BLACAT1: variants seen among roughly 807,000 people sequenced by gnomAD.
BLACAT1 encodes BLACAT1 overlapping LEMD1 locus.
downstream of BLACAT1, chr1:205,437,368 A>C (rs1666227449): frequency 6.6e-6 from 1 of 152,476 alleles, no homozygotes; most frequent in South Asian, 2.1e-4. Flanking sequence ...GAGAACGTAC[A>C]TAAGAGTGGC....
At chr1:205,454,547 T>A (rs565628320) in intron 1 of BLACAT1, among the ~76,000 whole-genome samples, 49 of 151,082 alleles carry the variant, frequency 3.2e-4, no homozygotes, top group Admixed American at 1.5e-3. Context: ...TGTGTGTGTG[T>A]GTGAGAGAGA....
intron 1 of BLACAT1, among the ~76,000 whole-genome samples, chr1:205,451,354 T>C (rs1379751116): frequency 6.6e-6 from 1 of 152,116 alleles, no homozygotes; most frequent in Non-Finnish European, 1.5e-5. Flanking sequence ...TCCCTAGCCC[T>C]CAGGTACTCC....
intron 1 of BLACAT1, among the ~76,000 whole-genome samples, chr1:205,449,651 A>G (rs993337857): frequency 6.6e-6 from 1 of 152,090 alleles, no homozygotes; most frequent in African/African-American, 2.4e-5. Flanking sequence ...CCCAACCTTC[A>G]GGGCCAAACA....
Position 205,446,623 on chromosome 1 carries a change from G to A in BLACAT1, c.-36-5561C>T, listed in dbSNP as rs78383339. Among the ~76,000 whole-genome samples the A allele has an allele frequency of 7.3e-3, 1,109 of 152,326 alleles. 8 individuals are homozygous for A. The highest frequency in any genetic ancestry group is 0.026 in the African/African-American group (1,063 of 41,564). The stretch of plus-strand genomic sequence containing the variant: ...GGCATGGCTCTAACCTGGCTTTCCA[G>A]TTAGGAGATCAGGAGTTAAGGGAAG... On this transcript the variant is annotated intron_variant, in intron 1 of 1. Coordinates refer to ENST00000629624, the Ensembl canonical transcript of BLACAT1.
rs191153047 is a variant in BLACAT1, at chr1:205,452,480, C to T, written c.-37+3437G>A. 2.1e-3 allele frequency among the ~76,000 whole-genome samples: 322 copies of T among 152,326 alleles called. 7 individuals are homozygous for T. Among genetic ancestry groups the T allele is most frequent in the South Asian group, 2.3e-3 (11 of 4,828 alleles). On this transcript the variant is annotated intron_variant, in intron 1 of 1. Transcript: ENST00000629624. ...CTGTTCCAACAGGAGCCAGTGGGCTCCCTGTCACCAGAGATCATCAAACAT... is the reference window on the plus strand; with the variant it reads ...CTGTTCCAACAGGAGCCAGTGGGCTTCCTGTCACCAGAGATCATCAAACAT...
intron 1 of BLACAT1, among the ~76,000 whole-genome samples, chr1:205,451,273 A>G (rs971333415): frequency 3.9e-5 from 6 of 152,080 alleles, no homozygotes; most frequent in Admixed American, 3.3e-4. Flanking sequence ...ATGGTGGCCA[A>G]TTCTAGAGCC....
At chr1:205,437,922 C>T (rs1666234701), downstream of BLACAT1, 1 of 151,606 alleles carries the variant, frequency 6.6e-6, no homozygotes, top group Non-Finnish European at 1.5e-5. Context: ...AATTATTGCT[C>T]TTTTTTTTTC....
At chr1:205,438,163 G>A (rs891273665), downstream of BLACAT1, among the ~76,000 whole-genome samples, 6 of 152,154 alleles carry the variant, frequency 3.9e-5, no homozygotes, top group African/African-American at 1.4e-4. Context: ...GCCCAAGAGG[G>A]AAAATGGCCA....
intron 1 of BLACAT1, among the ~76,000 whole-genome samples, chr1:205,452,576 T>C (rs1258934480): frequency 3.3e-5 from 5 of 152,176 alleles, no homozygotes; most frequent in Admixed American, 2.6e-4. Context: ...TAAGCTAATG[T>C]AGAAGGGATC....
chr1:205,447,550 G>A (rs539384945), intron 1 of BLACAT1, among the ~76,000 whole-genome samples: 1 of 152,214 alleles, frequency 6.6e-6, no homozygotes, highest in Admixed American at 6.5e-5. Context: ...CAGGATGGGA[G>A]GGCTAAAATC....
At chr1:205,452,393 G>A (rs1468423344) in intron 1 of BLACAT1, among the ~76,000 whole-genome samples, 4 of 152,198 alleles carry the variant, frequency 2.6e-5, no homozygotes. Flanking sequence ...AGCAGAGAAA[G>A]TCACAGAGGG....
chr1:205,454,146 A>G (rs1446441429), intron 1 of BLACAT1, among the ~76,000 whole-genome samples: 1 of 152,230 alleles, frequency 6.6e-6, no homozygotes, highest in East Asian at 1.9e-4. Context: ...GAGCACAGAC[A>G]GTGGGATGGG....
At chr1:205,435,831 G>A (rs934892741), downstream of BLACAT1, 8 of 152,172 alleles carry the variant, frequency 5.3e-5, no homozygotes, top group African/African-American at 1.9e-4. Context: ...GAAAACCAAA[G>A]GCTCAAAAGG....
In BLACAT1 at chr1:205,441,569, G is replaced by A. The variant is rs984650907; in HGVS notation, c.-36-507C>T. Among the ~76,000 whole-genome samples, 2 of 152,120 alleles carry A rather than the reference G, an allele frequency of 1.3e-5. No homozygotes were observed. Among genetic ancestry groups the A allele is most frequent in the Admixed American group, 6.5e-5 (1 of 15,282 alleles). ...TAGCTTTACTTTGACACCTGGGACC[G>A]AGTCAGATTCCTCCCTTCCTTAACA... On this transcript the variant is annotated intron_variant, in intron 1 of 1. Coordinates refer to ENST00000629624, the Ensembl canonical transcript of BLACAT1. The surrounding 1 kb of genome is among the most constrained non-coding windows in gnomAD (Gnocchi z 4.3).
At chr1:205,435,811 G>C (rs1470617189), downstream of BLACAT1, 2 of 152,220 alleles carry the variant, frequency 1.3e-5, no homozygotes, top group African/African-American at 4.8e-5. Context: ...CTGGGTGCCT[G>C]AGCCAGGTAG....
downstream of BLACAT1, chr1:205,437,857 C>T (rs1666233743): frequency 6.6e-6 from 1 of 152,220 alleles, no homozygotes; most frequent in African/African-American, 2.4e-5. Context: ...ACCTGGCTCC[C>T]AGCTCAGTGC....
chr1:205,447,958 T>C (rs1245751405), intron 1 of BLACAT1, among the ~76,000 whole-genome samples: 4 of 152,184 alleles, frequency 2.6e-5, no homozygotes, highest in Non-Finnish European at 4.4e-5. Context: ...CAAGTCTTCA[T>C]GGCCTGAGGC....
downstream of BLACAT1, chr1:205,436,712 G>T (rs112476983): frequency 0.01 from 1,584 of 152,294 alleles, 24 homozygotes; most frequent in African/African-American, 0.036. Context: ...CTGTCAGCTT[G>T]ATCACCTGCT....
intron 1 of BLACAT1, among the ~76,000 whole-genome samples, chr1:205,452,463 A>G (rs952253709): frequency 6.6e-6 from 1 of 152,220 alleles, no homozygotes; most frequent in African/African-American, 2.4e-5. Flanking sequence ...GACTGTTCCA[A>G]CAGGAGCCAG....
Sources: gnomAD v4.1 joint callset for allele counts (sites outside exome capture counted in the v4.1 genomes callset) on GRCh38, gnomAD v4.1.1 for gene constraint, Gnocchi (gnomAD v3.1) non-coding constraint, MANE v1.5 for transcripts, NCBI Gene and HGNC (gene_info 2026-07-23, HGNC 2026-07-21) for gene names.